Variants in CHMP4B observed in about 807,000 individuals in gnomAD.
CHMP4B encodes charged multivesicular body protein 4B, also known as SNF7 homolog associated with Alix 1.
In CHMP4B, 1 loss-of-function variant was observed where a neutral mutation model predicts 25.1. The observed-to-expected ratio is 0.04, with a 90% confidence interval of 0.01 to 0.19. The LOEUF is 0.19. Among genes scored for constraint, CHMP4B ranks in the 10% least tolerant of loss-of-function variants. CHMP4B has a pLI of 1.00. For missense variants in CHMP4B, 151 were observed against 289.7 expected (o/e 0.52, Z 3.48); for synonymous variants, 101 against 115.6 (o/e 0.87, Z 0.81).
intron 1 of CHMP4B, among the ~76,000 whole-genome samples, chr20:33,814,734 A>C (rs1003264882): frequency 6.6e-6 from 1 of 152,224 alleles, no homozygotes; most frequent in African/African-American, 2.4e-5. Context: ...AGCTCAGTGC[A>C]GCCTGGCACT....
In CHMP4B at chr20:33,819,470, T is replaced by G. The variant is rs375584693; in HGVS notation, c.190+7812T>G. On this transcript the variant is annotated intron_variant, in intron 1 of 4. Coordinates refer to ENST00000217402, the MANE Select transcript of CHMP4B (RefSeq NM_176812.5). The stretch of plus-strand genomic sequence containing the variant: ...AGTTTGTTTGGTCCTTCTTAAAGAG[T>G]CTTAGCTGAAGGATTGAATGATTTA... 9.2e-5 allele frequency among the ~76,000 whole-genome samples: 14 copies of G among 152,182 alleles called. No homozygotes were observed. The South Asian group carries it at 2.5e-3, about 27-fold the overall frequency.
At chr20:33,811,769 T>C (rs1978625005) in intron 1 of CHMP4B, 111 bp downstream of exon 1, 2 of 1,127,112 alleles carry the variant, frequency 1.8e-6, no homozygotes, top group Admixed American at 4.0e-5. Context: ...CCTGGAACTC[T>C]CCGGGTCAGA....
At chr20:33,844,043 G>C (rs1979614178) in intron 1 of CHMP4B, among the ~76,000 whole-genome samples, 2 of 152,230 alleles carry the variant, frequency 1.3e-5, no homozygotes, top group Non-Finnish European at 2.9e-5. Flanking sequence ...GAGGCTGTGT[G>C]AACCCTGCAG....
chr20:33,825,964 GA>G (rs1270798158), intron 1 of CHMP4B, among the ~76,000 whole-genome samples: 1 of 152,018 alleles, frequency 6.6e-6, no homozygotes, highest in East Asian at 1.9e-4. Flanking sequence ...GTGGGAAAAG[GA>G]AAAAAGGTTG....
intron 1 of CHMP4B, among the ~76,000 whole-genome samples, chr20:33,822,514 T>C (rs1011221379): frequency 9.2e-5 from 14 of 152,356 alleles, no homozygotes; most frequent in Middle Eastern, 3.4e-3. Context: ...CCCTTTAGAA[T>C]TTTGCACATA....
chr20:33,830,973 C>T (rs898452424), intron 1 of CHMP4B, among the ~76,000 whole-genome samples: 1 of 70,460 alleles, frequency 1.4e-5, no homozygotes, highest in Non-Finnish European at 3.0e-5. Context: ...CAGGGTCCTG[C>T]TCTGTCACTC....
intron 1 of CHMP4B, among the ~76,000 whole-genome samples, chr20:33,821,992 AT>A (rs1297405480): frequency 0.021 from 2,877 of 138,228 alleles, 69 homozygotes; most frequent in African/African-American, 0.067. Context: ...AAATTTTTGT[AT>A]TTTTTTTTTT....
Position 33,811,465 on chromosome 20 carries a change from A to G in CHMP4B, c.-4A>G, listed in dbSNP as rs768152066. 9.7e-6 allele frequency: 15 copies of G among 1,539,266 alleles called. No homozygotes were observed. The East Asian group carries it at 2.9e-4, about 29-fold the overall frequency. On this transcript the variant is annotated 5_prime_UTR_variant, in exon 1 of 5. Coordinates refer to ENST00000217402, the MANE Select transcript of CHMP4B (RefSeq NM_176812.5). The stretch of plus-strand genomic sequence containing the variant: ...GGCGAAGGCCGGCGCGGCGAGCAGC[A>G]ACCATGTCGGTGTTCGGGAAGCTGT...
At chr20:33,817,877 T>C (rs1399445773) in intron 1 of CHMP4B, among the ~76,000 whole-genome samples, 1 of 152,220 alleles carries the variant, frequency 6.6e-6, no homozygotes, top group East Asian at 1.9e-4. Context: ...GGCCTGTTTT[T>C]AAGCTGTTTG....
chr20:33,844,618 A>G (rs966693808), intron 1 of CHMP4B, among the ~76,000 whole-genome samples: 3 of 152,232 alleles, frequency 2.0e-5, no homozygotes, highest in African/African-American at 7.2e-5. Context: ...TTCTAAATCT[A>G]TGATGTTAAT....
chr20:33,848,292 A>G, intron 1 of CHMP4B, among the ~76,000 whole-genome samples, 175 bp from the exon 2 acceptor site: 1 of 152,090 alleles, frequency 6.6e-6, no homozygotes, highest in East Asian at 1.9e-4. Flanking sequence ...AGGTATGTGA[A>G]TTTTATGTTT....
intron 1 of CHMP4B, among the ~76,000 whole-genome samples, chr20:33,811,887 C>T (rs1037278132): frequency 4.6e-5 from 7 of 152,138 alleles, no homozygotes; most frequent in Non-Finnish European, 8.8e-5. Flanking sequence ...AGCCTCTCTC[C>T]ACCCCGCCAG....
Position 33,811,464 on chromosome 20 carries a change from C to T in CHMP4B, c.-5C>T, listed in dbSNP as rs1978606452. Reference sequence around the variant, plus strand: ...CGGCGAAGGCCGGCGCGGCGAGCAGCAACCATGTCGGTGTTCGGGAAGCTG... The same window carrying T: ...CGGCGAAGGCCGGCGCGGCGAGCAGTAACCATGTCGGTGTTCGGGAAGCTG... On this transcript the variant is annotated 5_prime_UTR_variant, in exon 1 of 5. Coordinates refer to ENST00000217402, the MANE Select transcript of CHMP4B (RefSeq NM_176812.5). 2.0e-6 allele frequency: 3 copies of T among 1,535,922 alleles called. No individual in the cohort carries two copies. Among genetic ancestry groups the T allele is most frequent in the Non-Finnish European group, 1.8e-6 (2 of 1,138,460 alleles).
intron 1 of CHMP4B, among the ~76,000 whole-genome samples, chr20:33,820,791 G>A (rs576942825): frequency 2.6e-5 from 4 of 152,240 alleles, no homozygotes; most frequent in African/African-American, 9.6e-5. Context: ...AAATTAATAG[G>A]AAGAGTTTTT....
At chr20:33,819,949 C>T (rs1017125950) in intron 1 of CHMP4B, among the ~76,000 whole-genome samples, 4 of 151,846 alleles carry the variant, frequency 2.6e-5, no homozygotes, top group Non-Finnish European at 2.9e-5. Context: ...GGGTGGATCA[C>T]GAGGTCAGGA....
intron 1 of CHMP4B, among the ~76,000 whole-genome samples, chr20:33,816,602 A>T (rs1287564902): frequency 6.6e-6 from 1 of 152,220 alleles, no homozygotes; most frequent in Admixed American, 6.5e-5. Flanking sequence ...TGTGGGAAAA[A>T]AAAGAAAAGA....
At chr20:33,823,530 C>G (rs912500580) in intron 1 of CHMP4B, among the ~76,000 whole-genome samples, 1 of 152,034 alleles carries the variant, frequency 6.6e-6, no homozygotes, top group Non-Finnish European at 1.5e-5. Context: ...TACCACCAAA[C>G]TTGGCTAATA....
intron 1 of CHMP4B, among the ~76,000 whole-genome samples, chr20:33,819,155 G>A (rs932930367): frequency 6.6e-6 from 1 of 152,016 alleles, no homozygotes; most frequent in Non-Finnish European, 1.5e-5. Context: ...CAAGTAATTC[G>A]CCTGCCTTGG....
intron 1 of CHMP4B, among the ~76,000 whole-genome samples, chr20:33,822,396 C>T (rs1456193712): frequency 2.0e-5 from 3 of 152,332 alleles, no homozygotes; most frequent in East Asian, 3.9e-4. Context: ...CCACCTGCCT[C>T]GGCCTCCCAA....
Sources: allele counts gnomAD v4.1 joint callset (sites outside exome capture counted in the v4.1 genomes callset), GRCh38; gene constraint gnomAD v4.1.1; transcripts MANE v1.5; gene names NCBI Gene and HGNC (gene_info 2026-07-23, HGNC 2026-07-21).